RNF6: variants seen among roughly 807,000 people sequenced by gnomAD.
RNF6 encodes E3 ubiquitin-protein ligase RNF6.
In RNF6, 21 loss-of-function variants were observed where a neutral mutation model predicts 50.1. The observed-to-expected ratio is 0.42, with a 90% CI of 0.30 to 0.60. The LOEUF (loss-of-function observed/expected upper bound fraction) is 0.60. Ranked by LOEUF, RNF6 falls within the 20% of genes least tolerant of loss-of-function variation. The probability of loss-of-function intolerance (pLI) is 0.20; values close to 1 mark genes in which losing one functional copy is unlikely to be tolerated. For synonymous variants in RNF6, 255 were observed against 291.8 expected (o/e 0.87, Z 1.29); for missense variants, 698 against 838.2 (o/e 0.83, Z 2.07).
intron 4 of RNF6, among the ~76,000 whole-genome samples, chr13:26,215,933 C>A (rs1243764409): frequency 2.6e-5 from 4 of 152,138 alleles, no homozygotes; most frequent in Non-Finnish European, 4.4e-5. Flanking sequence ...ATTTAAATTG[C>A]TTTATCAATA....
chr13:26,142,510 G>T (rs553726142), intron 5 of RNF6: 1 of 152,142 alleles, frequency 6.6e-6, no homozygotes, highest in East Asian at 1.9e-4. Flanking sequence ...AAGAAAATGT[G>T]GTACATATAC....
At chr13:26,168,485 C>T (rs534815993) in intron 5 of RNF6, among the ~76,000 whole-genome samples, 53 of 152,220 alleles carry the variant, frequency 3.5e-4, no homozygotes, top group Admixed American at 8.5e-4. Flanking sequence ...GGTAGGACCA[C>T]GTCTTCTTCC....
At chr13:26,151,174 C>A (rs1354115935) in intron 5 of RNF6, among the ~76,000 whole-genome samples, 1 of 152,150 alleles carries the variant, frequency 6.6e-6, no homozygotes, top group African/African-American at 2.4e-5. Flanking sequence ...TTGTAGGATA[C>A]TTTTATTACA....
intron 5 of RNF6, among the ~76,000 whole-genome samples, chr13:26,171,291 G>T (rs767329599): frequency 4.6e-5 from 7 of 152,148 alleles, no homozygotes; most frequent in Non-Finnish European, 1.0e-4. Context: ...CACATGGAAA[G>T]ATCCTCAACA....
chr13:26,165,597 G>A (rs1872414307), intron 5 of RNF6, among the ~76,000 whole-genome samples: 1 of 152,226 alleles, frequency 6.6e-6, no homozygotes, highest in Non-Finnish European at 1.5e-5. Context: ...CTGGAGCAGA[G>A]CTGCCCAAGA....
chr13:26,214,091 A>C lies in RNF6; in HGVS notation c.1791T>G (p.Ser597Arg), dbSNP rs1869546704. Reference sequence around the variant, plus strand: ...AACCACGTATTCGATCATCATCATCACTTTCATTTAGTAAAAAAAAGTGAG... The same window carrying C: ...AACCACGTATTCGATCATCATCATCCCTTTCATTTAGTAAAAAAAAGTGAG... ...RLAHFFLLNE[S>R]DDDDRIRGLT... Residue 597 changes from serine to arginine, a missense_variant, in exon 5 of 5, where the codon AGT (serine) becomes AGG (arginine). Coordinates refer to ENST00000381588, the MANE Select transcript of RNF6 (RefSeq NM_005977.4). 1 of 1,614,056 alleles carries C rather than the reference A, an allele frequency of 6.2e-7. No homozygotes were observed. Among genetic ancestry groups the C allele is most frequent in the African/African-American group, 1.3e-5 (1 of 74,912 alleles).
At chr13:26,215,679 G>C in intron 4 of RNF6, 87 bp from the exon 5 acceptor site, 1 of 1,162,344 alleles carries the variant, frequency 8.6e-7, no homozygotes, top group Non-Finnish European at 1.2e-6. Flanking sequence ...AACAAAGTTT[G>C]TAATAAATTA....
At chr13:26,181,455 T>C (rs184392339) in intron 5 of RNF6, among the ~76,000 whole-genome samples, 1 of 152,192 alleles carries the variant, frequency 6.6e-6, no homozygotes, top group East Asian at 1.9e-4. Context: ...ACCGTGAAAA[T>C]GTAGCAAGAG....
chr13:26,142,583 C>T (rs1357253803), intron 5 of RNF6, among the ~76,000 whole-genome samples: 1 of 152,144 alleles, frequency 6.6e-6, no homozygotes, highest in Non-Finnish European at 1.5e-5. Flanking sequence ...AATATAGATG[C>T]AGCTGGAGGC....
chr13:26,152,356 G>T (rs1446427281), intron 5 of RNF6, among the ~76,000 whole-genome samples: 1 of 152,152 alleles, frequency 6.6e-6, no homozygotes, highest in Non-Finnish European at 1.5e-5. Context: ...GTGCCCAGAG[G>T]TCTTCCTTGG....
intron 5 of RNF6, among the ~76,000 whole-genome samples, chr13:26,163,048 T>C (rs12855191): frequency 6.9e-4 from 105 of 152,176 alleles, no homozygotes; most frequent in Non-Finnish European, 1.3e-3. Context: ...CGGTGGCTCA[T>C]GCCTGTAATC....
At chr13:26,187,254 G>A (rs956382830) in intron 5 of RNF6, among the ~76,000 whole-genome samples, 1 of 152,056 alleles carries the variant, frequency 6.6e-6, no homozygotes, top group African/African-American at 2.4e-5. Flanking sequence ...CCGGGAACCT[G>A]ATAGGAGACG....
At chr13:26,188,912 G>A (rs771244452) in intron 5 of RNF6, among the ~76,000 whole-genome samples, 11 of 151,988 alleles carry the variant, frequency 7.2e-5, no homozygotes, top group African/African-American at 1.2e-4. Context: ...ACAAGCATGA[G>A]CCACTGCGCC....
intron 5 of RNF6, among the ~76,000 whole-genome samples, chr13:26,147,894 T>C (rs1340328260): frequency 6.6e-6 from 1 of 152,212 alleles, no homozygotes; most frequent in Non-Finnish European, 1.5e-5. Flanking sequence ...CTTTGTCCCG[T>C]GACATTAGGA....
intron 5 of RNF6, among the ~76,000 whole-genome samples, chr13:26,188,698 C>T (rs1207173858): frequency 8.2e-6 from 1 of 121,980 alleles, no homozygotes. Context: ...GGCATGATCT[C>T]GGCTCACTGC....
intron 5 of RNF6, among the ~76,000 whole-genome samples, chr13:26,143,603 C>G (rs1041855162): frequency 1.3e-5 from 2 of 152,146 alleles, no homozygotes; most frequent in African/African-American, 2.4e-5. Context: ...GGTTCATGGA[C>G]CTGTGACTCC....
chr13:26,151,767 G>A (rs902871566), intron 5 of RNF6, among the ~76,000 whole-genome samples: 9 of 152,054 alleles, frequency 5.9e-5, no homozygotes, highest in African/African-American at 2.2e-4. Context: ...TTATAACAAT[G>A]TTAAAGGGAA....
At chr13:26,152,510 T>C (rs1367192191) in intron 5 of RNF6, among the ~76,000 whole-genome samples, 4 of 152,234 alleles carry the variant, frequency 2.6e-5, no homozygotes, top group Non-Finnish European at 4.4e-5. Context: ...TATAAAATCT[T>C]GTATGTTACA....
At chr13:26,157,478 G>A (rs570346336) in intron 5 of RNF6, among the ~76,000 whole-genome samples, 13 of 151,954 alleles carry the variant, frequency 8.6e-5, no homozygotes, top group African/African-American at 2.9e-4. Flanking sequence ...GATTTGTAGC[G>A]CATTTGAAAA....
Sources: allele counts gnomAD v4.1 joint callset (sites outside exome capture counted in the v4.1 genomes callset), GRCh38; gene constraint gnomAD v4.1.1; transcripts MANE v1.5; gene names NCBI Gene and HGNC (gene_info 2026-07-23, HGNC 2026-07-21).